The following PCDHGB6 variants were observed in gnomAD, a reference collection of about 807,000 sequenced individuals.
PCDHGB6 encodes the protein protocadherin gamma-B6.
PCDHGB6 carries 51 observed loss-of-function variants against 59.1 expected under a neutral mutation model. The ratio of observed to expected loss-of-function variants is 0.86; its 90% CI spans 0.69 to 1.09. PCDHGB6 has a LOEUF of 1.09. Among genes scored for constraint, PCDHGB6 ranks in the 50% least tolerant of loss-of-function variants. PCDHGB6 has a pLI of 0.00. For synonymous variants in PCDHGB6, 466 were observed against 495.1 expected (o/e 0.94, Z 0.78); for missense variants, 1,148 against 1,205.1 (o/e 0.95, Z 0.70).
Position 141,477,337 on chromosome 5 carries a change from C to T in PCDHGB6, c.2419-17470C>T. ...TTACTTCTTCCCTCAAGAATTACTT[C>T]ACTTTGAAAACCAGTGCAGACCTGG... On this transcript the variant is annotated intron_variant, in intron 1 of 3. Transcript: ENST00000520790. The surrounding 1 kb of genome is among the most constrained non-coding windows in gnomAD (Gnocchi z 4.9). The T allele has an allele frequency of 1.2e-6, 2 of 1,614,166 alleles. No individual in the cohort carries two copies. Among genetic ancestry groups the T allele is most frequent in the Non-Finnish European group, 1.7e-6 (2 of 1,180,028 alleles).
Position 141,476,755 on chromosome 5 carries a change from G to A in PCDHGB6, c.2419-18052G>A, listed in dbSNP as rs1307512875. The stretch of plus-strand genomic sequence containing the variant: ...AACGGGAGCCTAGTCTCCAGTTAGT[G>A]CTGACGGCGTTGGACGGAGGGACCC... On this transcript the variant is annotated intron_variant, in intron 1 of 3. Coordinates refer to ENST00000520790, the MANE Select transcript of PCDHGB6 (RefSeq NM_018926.3). This position sits in a 1 kb window ranked among gnomAD's most constrained non-coding sequence, Gnocchi z 7.6. 1.2e-6 allele frequency: 2 copies of A among 1,613,828 alleles called. No homozygotes were observed. Among genetic ancestry groups the A allele is most frequent in the Non-Finnish European group, 1.7e-6 (2 of 1,180,036 alleles).
Position 141,485,519 on chromosome 5 carries a change from A to T in PCDHGB6, c.2419-9288A>T. ...GTTTGTCACCGAAGGTCCTTTGGAA[A>T]TGTACCGAGCAGAGGTAGAGATCGT... On this transcript the variant is annotated intron_variant, in intron 1 of 3. Transcript: ENST00000520790. The surrounding 1 kb of genome is among the most constrained non-coding windows in gnomAD (Gnocchi z 5.7). The T allele has an allele frequency of 6.2e-7, 1 of 1,614,150 alleles. No individual in the cohort carries two copies. The highest frequency in any genetic ancestry group is 8.5e-7 in the Non-Finnish European group (1 of 1,180,018).
At chr5:141,456,700 C>T (rs1420857227) in intron 1 of PCDHGB6, among the ~76,000 whole-genome samples, 1 of 152,060 alleles carries the variant, frequency 6.6e-6, no homozygotes, top group Admixed American at 6.6e-5. Flanking sequence ...CGTGGTGGCT[C>T]GCGCCTGTAA....
Position 141,410,569 on chromosome 5 carries a change from T to C in PCDHGB6, c.2367T>C (p.Ile789=), listed in dbSNP as rs908906606. ...GCAGTGTTTCTCCTGGAGCCTTAAT[T>C]CCACCTCATGGTGGGGAGGATTTGA... ...MVCSVSPGAL[I]PPHGGEDLTS... The change falls in exon 1 of 4, where the codon ATT becomes ATC. Residue 789 remains isoleucine (I), a synonymous_variant. Transcript: ENST00000520790. 6.2e-7 allele frequency: 1 copy of C among 1,612,242 alleles called. No individual in the cohort carries two copies. The highest frequency in any genetic ancestry group is 1.3e-5 in the African/African-American group (1 of 75,056).
intron 1 of PCDHGB6, among the ~76,000 whole-genome samples, chr5:141,494,568 C>T (rs2099755322): frequency 6.6e-6 from 1 of 152,138 alleles, no homozygotes; most frequent in African/African-American, 2.4e-5. Context: ...GGAAAGGAGT[C>T]TCAGCTTGCT....
intron 1 of PCDHGB6, among the ~76,000 whole-genome samples, chr5:141,445,778 T>G (rs1045010487): frequency 6.6e-6 from 1 of 152,190 alleles, no homozygotes; most frequent in East Asian, 1.9e-4. Context: ...TTAAAAGGGC[T>G]AGGGAGGCTA....
rs765047622 is a variant in PCDHGB6 at position 141,486,776 on chromosome 5, G to A, written c.2419-8031G>A. On this transcript the variant is annotated intron_variant, in intron 1 of 3. Coordinates refer to ENST00000520790, the MANE Select transcript of PCDHGB6 (RefSeq NM_018926.3). This position sits in a 1 kb window ranked among gnomAD's most constrained non-coding sequence, Gnocchi z 5.0. ...GCAAACCCAGACACTGCAGTTTGAGGTGCAGGCCCGGGATCGGGGCAACCC... is the reference window on the plus strand; with the variant it reads ...GCAAACCCAGACACTGCAGTTTGAGATGCAGGCCCGGGATCGGGGCAACCC... 1.2e-6 allele frequency: 2 copies of A among 1,614,254 alleles called. No individual in the cohort carries two copies. Among genetic ancestry groups the A allele is most frequent in the Non-Finnish European group, 1.7e-6 (2 of 1,180,050 alleles).
chr5:141,429,960 A>C (rs981722031), intron 1 of PCDHGB6, among the ~76,000 whole-genome samples: 2 of 152,244 alleles, frequency 1.3e-5, no homozygotes, highest in African/African-American at 4.8e-5. Flanking sequence ...AGTCAATGCA[A>C]GTTGGAATGC....
intron 1 of PCDHGB6, among the ~76,000 whole-genome samples, chr5:141,450,829 A>AT (rs373424450): frequency 7.2e-4 from 97 of 135,128 alleles, no homozygotes; most frequent in East Asian, 1.8e-3. Flanking sequence ...TATTATTATT[A>AT]TTTTTTTTTT....
chr5:141,488,572 T>C (rs888054788), intron 1 of PCDHGB6, among the ~76,000 whole-genome samples: 28 of 152,212 alleles, frequency 1.8e-4, no homozygotes, highest in African/African-American at 6.8e-4. Flanking sequence ...CCGCAAAGCA[T>C]TGCTGGAGAG....
At chr5:141,458,028 G>A (rs1363025110) in intron 1 of PCDHGB6, among the ~76,000 whole-genome samples, 2 of 152,122 alleles carry the variant, frequency 1.3e-5, no homozygotes, top group African/African-American at 4.8e-5. Flanking sequence ...ATTGTGTTCT[G>A]TTGACAAAGA....
In PCDHGB6 at chr5:141,494,748, C is replaced by T. The variant is rs566281527; in HGVS notation, c.2419-59C>T. On this transcript the variant is annotated intron_variant, in intron 1 of 3. Coordinates refer to ENST00000520790, the MANE Select transcript of PCDHGB6 (RefSeq NM_018926.3). ...CTCTCCCGGCCCATCCCTAGGGGCTCGGGTGACATTCTAACTTCTCACGGG... is the reference window on the plus strand; with the variant it reads ...CTCTCCCGGCCCATCCCTAGGGGCTTGGGTGACATTCTAACTTCTCACGGG... 1.4e-5 allele frequency: 22 copies of T among 1,613,104 alleles called. No individual in the cohort carries two copies. The East Asian group carries it at 4.2e-4, about 31-fold the overall frequency.
In PCDHGB6 at chr5:141,489,117, T is replaced by A; in HGVS notation, c.2419-5690T>A. On this transcript the variant is annotated intron_variant, in intron 1 of 3. Coordinates refer to ENST00000520790, the MANE Select transcript of PCDHGB6 (RefSeq NM_018926.3). The surrounding 1 kb of genome is among the most constrained non-coding windows in gnomAD (Gnocchi z 4.5). ...AAGAACTGCTGCAAGCAGGCAAACCTCCGAGCAGTTTTTAAGAGGCTGGAA... is the reference window on the plus strand; with the variant it reads ...AAGAACTGCTGCAAGCAGGCAAACCACCGAGCAGTTTTTAAGAGGCTGGAA... The A allele has an allele frequency of 1.4e-5, 5 of 370,102 alleles. No homozygotes were observed. The highest frequency in any genetic ancestry group is 2.3e-5 in the Non-Finnish European group (5 of 214,436). 22.9% of individuals were successfully genotyped at this position (370,102 alleles called of 1,614,324 possible).
chr5:141,444,151 G>T (rs1031944414), intron 1 of PCDHGB6, among the ~76,000 whole-genome samples: 1 of 92,746 alleles, frequency 1.1e-5, no homozygotes, highest in Non-Finnish European at 2.1e-5. Flanking sequence ...GTGTGTACTG[G>T]ATTTTTTTTT....
At position 141,422,169 on chromosome 5, in the gene PCDHGB6, A is replaced by G. The variant is rs1386896405; in HGVS notation, c.2418+11549A>G. 2.6e-6 allele frequency: 4 copies of G among 1,563,898 alleles called. No homozygotes were observed. In the South Asian group the frequency reaches 4.9e-5, roughly 19 times the overall value. On this transcript the variant is annotated intron_variant, in intron 1 of 3. Coordinates refer to ENST00000520790, the MANE Select transcript of PCDHGB6 (RefSeq NM_018926.3). ...GGTCTCTGGATTTTGAAAAATATAG[A>G]TTCTATGAGATGGAAATTCAAGGCC...
At chr5:141,425,695 T>G (rs1329762653) in intron 1 of PCDHGB6, among the ~76,000 whole-genome samples, 1 of 152,232 alleles carries the variant, frequency 6.6e-6, no homozygotes, top group African/African-American at 2.4e-5. Context: ...TATCATTTCA[T>G]AGTGGTCAAA....
intron 1 of PCDHGB6, chr5:141,413,606 TA>T (rs778210256): frequency 6.8e-6 from 11 of 1,613,848 alleles, no homozygotes; most frequent in Admixed American, 5.0e-5. Context: ...AATCTAGACG[TA>T]AAAATTAATG....
chr5:141,491,199 C>T lies in PCDHGB6; in HGVS notation c.2419-3608C>T. ...TGGTCCTGGTGAGGGACAATGGTGA[C>T]CCTTCACTCTCCTCCACAGCCACAG... On this transcript the variant is annotated intron_variant, in intron 1 of 3. Coordinates refer to ENST00000520790, the MANE Select transcript of PCDHGB6 (RefSeq NM_018926.3). The surrounding 1 kb of genome is among the most constrained non-coding windows in gnomAD (Gnocchi z 6.9). 1 of 1,614,190 alleles carries T rather than the reference C, an allele frequency of 6.2e-7. No homozygotes were observed. Among genetic ancestry groups the T allele is most frequent in the South Asian group, 1.1e-5 (1 of 91,086 alleles).
chr5:141,496,077 C>G (rs1269618753), intron 2 of PCDHGB6, among the ~76,000 whole-genome samples: 1 of 152,042 alleles, frequency 6.6e-6, no homozygotes, highest in African/African-American at 2.4e-5. Flanking sequence ...CACACACAAC[C>G]CCCCACCCAC....
Sources: allele counts gnomAD v4.1 joint callset (sites outside exome capture counted in the v4.1 genomes callset), GRCh38; gene constraint gnomAD v4.1.1; non-coding constraint Gnocchi (gnomAD v3.1); transcripts MANE v1.5; gene names NCBI Gene and HGNC (gene_info 2026-07-23, HGNC 2026-07-21).